Variants in UNC5A observed in about 807,000 individuals in gnomAD.
UNC5A encodes the protein netrin receptor UNC5A.
UNC5A carries 20 observed loss-of-function variants against 87.4 expected under a neutral mutation model. The observed-to-expected ratio is 0.23, with a 90% CI of 0.16 to 0.33. The LOEUF is 0.33. UNC5A is among the 10% of genes least tolerant of loss of function. UNC5A has a pLI of 1.00. For missense variants in UNC5A, 844 were observed against 1,133.4 expected, an observed-to-expected ratio of 0.74 and a Z score of 3.67; for synonymous variants, 438 against 482.3, an observed-to-expected ratio of 0.91 and a Z score of 1.20.
chr5:176,877,817 C>CG, intron 10 of UNC5A, 77 bp from the exon 11 acceptor site: 1 of 1,519,132 alleles, frequency 6.6e-7, no homozygotes, highest in Non-Finnish European at 8.9e-7. Flanking sequence ...CCCCAGTCTC[C>CG]GGCCACTTCT....
In UNC5A at chr5:176,877,663, G is replaced by A; in HGVS notation, c.1595G>A (p.Ser532Asn). 1 of 1,610,472 alleles carries A rather than the reference G, an allele frequency of 6.2e-7. No individual in the cohort carries two copies. Among genetic ancestry groups the A allele is most frequent in the Non-Finnish European group, 8.5e-7 (1 of 1,178,118 alleles). The change falls in exon 10 of 15, where the codon AGC (serine) becomes AAC (asparagine). Residue 532 changes from serine to asparagine, a missense_variant. Around this residue, in one of 3 missense-constraint regions of UNC5A, gnomAD observed 353 missense variants for 387.5 expected, o/e 0.91. Transcript: ENST00000329542. The part of the protein sequence containing the change: ...HCGEPSPDSW[S>N]LRLKKQSCEG... ...GGGGAGCCCAGCCCTGACAGCTGGA[G>A]CCTGCGCCTCAAAAAGCAGTCGTGC...
intron 1 of UNC5A, among the ~76,000 whole-genome samples, chr5:176,828,678 A>G (rs1240614785): frequency 1.3e-5 from 2 of 152,084 alleles, no homozygotes; most frequent in Admixed American, 1.3e-4. Flanking sequence ...TTCTTGACTT[A>G]CTTACTTGTT....
chr5:176,847,684 C>A (rs1444644518), intron 1 of UNC5A, among the ~76,000 whole-genome samples: 1 of 151,796 alleles, frequency 6.6e-6, no homozygotes, highest in Non-Finnish European at 1.5e-5. Flanking sequence ...GCCATAAATA[C>A]CCACACAGAG....
chr5:176,868,877 C>G lies in UNC5A; in HGVS notation c.634C>G (p.Arg212Gly), dbSNP rs1207760838. 6.2e-7 allele frequency: 1 copy of G among 1,612,882 alleles called. No individual in the cohort carries two copies. The highest frequency in any genetic ancestry group is 1.7e-5 in the Admixed American group (1 of 60,016). The stretch of plus-strand genomic sequence containing the variant: ...GCACAGCCTGGTGGTGCGACAGGCC[C>G]GCCTTGCTGACACGGCCAACTACAC... ...REHSLVVRQA[R>G]LADTANYTCV... Residue 212 changes from arginine (R) to glycine (G), a missense_variant, in exon 5 of 15, where the codon CGC becomes GGC. Transcript: ENST00000329542.
At chr5:176,852,042 C>T (rs1041685236) in intron 1 of UNC5A, among the ~76,000 whole-genome samples, 3 of 152,214 alleles carry the variant, frequency 2.0e-5, no homozygotes, top group African/African-American at 4.8e-5. Context: ...CTGCCTCTGT[C>T]GTGTTCCCAG....
At chr5:176,828,905 C>T (rs1359094834) in intron 1 of UNC5A, among the ~76,000 whole-genome samples, 3 of 151,428 alleles carry the variant, frequency 2.0e-5, no homozygotes, top group East Asian at 4.0e-4. Flanking sequence ...CCGAGGTGGG[C>T]GGACCACAAG....
In UNC5A at chr5:176,875,646, C is replaced by G. The variant is rs563896545; in HGVS notation, c.1378+1080C>G. On this transcript the variant is annotated intron_variant, in intron 8 of 14. Coordinates refer to ENST00000329542, the MANE Select transcript of UNC5A (RefSeq NM_133369.3). This position sits in a 1 kb window ranked among gnomAD's most constrained non-coding sequence, Gnocchi z 5.2. ...TCATGACCCTCTCGTGCTCGAATCCCTTCTGGGCTCCCCTCTGCCCCCTGC... is the reference window on the plus strand; with the variant it reads ...TCATGACCCTCTCGTGCTCGAATCCGTTCTGGGCTCCCCTCTGCCCCCTGC... 3.9e-5 allele frequency among the ~76,000 whole-genome samples: 6 copies of G among 152,350 alleles called. No homozygotes were observed. In the East Asian group the frequency reaches 1.2e-3, roughly 29 times the overall value.
In UNC5A at chr5:176,824,565, AAGAG is replaced by A. The variant is rs1177377102; in HGVS notation, c.70+13749_70+13752del. On this transcript the variant is annotated intron_variant, in intron 1 of 14. Coordinates refer to ENST00000329542, the MANE Select transcript of UNC5A (RefSeq NM_133369.3). This position sits in a 1 kb window ranked among gnomAD's most constrained non-coding sequence, Gnocchi z 4.2. ...GGCAGATAGAACATTCTAAAAAAAAAAGAGAGAAAGAGAGAGAATTCACATAAAA... is the reference window on the plus strand; with the variant it reads ...GGCAGATAGAACATTCTAAAAAAAAAAGAAAGAGAGAGAATTCACATAAAA... 6.6e-6 allele frequency among the ~76,000 whole-genome samples: 1 copy of A among 152,102 alleles called. No homozygotes were observed. The highest frequency in any genetic ancestry group is 2.4e-5 in the African/African-American group (1 of 41,404).
intron 1 of UNC5A, among the ~76,000 whole-genome samples, chr5:176,829,269 C>CTGGATGGA (rs70991574): frequency 8.9e-5 from 11 of 124,100 alleles, no homozygotes; most frequent in Middle Eastern, 8.8e-3. Flanking sequence ...GGATGGGTGG[C>CTGGATGGA]TGGATGGATG....
At chr5:176,843,883 G>A (rs567245619) in intron 1 of UNC5A, among the ~76,000 whole-genome samples, 92 of 152,394 alleles carry the variant, frequency 6.0e-4, no homozygotes, top group Middle Eastern at 6.8e-3. Context: ...GACGTGCGGC[G>A]CGTGGGGAGG....
Position 176,865,466 on chromosome 5 carries a change from G to T in UNC5A, c.292+2621G>T, listed in dbSNP as rs1377248742. The T allele has an allele frequency of 1.3e-5, 5 of 389,542 alleles. No individual in the cohort carries two copies. Among genetic ancestry groups the T allele is most frequent in the East Asian group, 7.3e-5 (1 of 13,634 alleles). 24.1% of individuals were successfully genotyped at this position (389,542 alleles called of 1,614,324 possible). A position where few individuals can be genotyped will look rare whatever the true frequency, so the allele number is the denominator to read the frequency against. Reference sequence around the variant, plus strand: ...CCTGTGGCCCTGTTCTCTTCCTGCCGGGCAGAGAAGCAGAGCTTGGGACAC... The same window carrying T: ...CCTGTGGCCCTGTTCTCTTCCTGCCTGGCAGAGAAGCAGAGCTTGGGACAC... On this transcript the variant is annotated intron_variant, in intron 2 of 14. Coordinates refer to ENST00000329542, the MANE Select transcript of UNC5A (RefSeq NM_133369.3). The surrounding 1 kb of genome is among the most constrained non-coding windows in gnomAD (Gnocchi z 5.3).
rs907697622 is a variant in UNC5A at position 176,833,797 on chromosome 5, C to T, written c.70+22977C>T. 3.3e-5 allele frequency among the ~76,000 whole-genome samples: 5 copies of T among 151,848 alleles called. No individual in the cohort carries two copies. In the South Asian group the frequency reaches 1.0e-3, roughly 31 times the overall value. On this transcript the variant is annotated intron_variant, in intron 1 of 14. Coordinates refer to ENST00000329542, the MANE Select transcript of UNC5A (RefSeq NM_133369.3). The stretch of plus-strand genomic sequence containing the variant: ...GGTCTCCGCTCACTGCAAGCTCCAC[C>T]TCCTGGGTTCGCGCCATTTTCCTGC...
intron 1 of UNC5A, among the ~76,000 whole-genome samples, chr5:176,861,887 A>T (rs1466807776): frequency 3.3e-5 from 5 of 152,164 alleles, no homozygotes; most frequent in African/African-American, 1.2e-4. Flanking sequence ...CCCCCACCCC[A>T]TCCTCTCAGG....
chr5:176,879,541 C>T (rs1333731736), intron 14 of UNC5A, 53 bp downstream of exon 14: 12 of 1,556,270 alleles, frequency 7.7e-6, no homozygotes, highest in African/African-American at 2.7e-5. Flanking sequence ...CAGTCCTGCC[C>T]GGCGGCGGGG....
Position 176,874,250 on chromosome 5 carries a change from T to C in UNC5A, c.1076-14T>C. ...CCCTAGGTGCCATTGCCTGAGTCTGTCTTTATCCTGCAGACAACCCCCATC... is the reference window on the plus strand; with the variant it reads ...CCCTAGGTGCCATTGCCTGAGTCTGCCTTTATCCTGCAGACAACCCCCATC... On this transcript the variant is annotated splice_polypyrimidine_tract_variant and intron_variant, in intron 7 of 14. Coordinates refer to ENST00000329542, the MANE Select transcript of UNC5A (RefSeq NM_133369.3). The surrounding 1 kb of genome is among the most constrained non-coding windows in gnomAD (Gnocchi z 7.6). 3.2e-6 allele frequency: 5 copies of C among 1,584,624 alleles called. No individual in the cohort carries two copies. The highest frequency in any genetic ancestry group is 4.3e-6 in the Non-Finnish European group (5 of 1,163,708).
chr5:176,816,122 C>A (rs957441191), intron 1 of UNC5A, among the ~76,000 whole-genome samples: 1 of 152,228 alleles, frequency 6.6e-6, no homozygotes, highest in African/African-American at 2.4e-5. Flanking sequence ...GTAGTATACC[C>A]AATGATGCCT....
chr5:176,868,000 A>T, intron 2 of UNC5A, 130 bp from the exon 3 acceptor site: 3 of 715,170 alleles, frequency 4.2e-6, no homozygotes, highest in Non-Finnish European at 3.9e-6. Flanking sequence ...TAATAATAAA[A>T]TTTAAAAAAA....
chr5:176,839,799 G>T (rs1757229856), intron 1 of UNC5A, among the ~76,000 whole-genome samples: 1 of 150,226 alleles, frequency 6.7e-6, no homozygotes, highest in Middle Eastern at 3.4e-3. Flanking sequence ...TGGCTTCACG[G>T]CCACTTCCTT....
intron 1 of UNC5A, among the ~76,000 whole-genome samples, chr5:176,842,650 G>A (rs1314745094): frequency 6.6e-6 from 1 of 152,180 alleles, no homozygotes; most frequent in Non-Finnish European, 1.5e-5. Flanking sequence ...TGGGAGCTAA[G>A]CTATGAGGAC....
Sources: allele counts gnomAD v4.1 joint callset (sites outside exome capture counted in the v4.1 genomes callset), GRCh38; gene constraint gnomAD v4.1.1; regional missense constraint gnomAD v4.1.1; non-coding constraint Gnocchi (gnomAD v3.1); transcripts MANE v1.5; gene names NCBI Gene and HGNC (gene_info 2026-07-23, HGNC 2026-07-21).